TMPO: variants seen among roughly 807,000 people sequenced by gnomAD.
TMPO encodes thymopoietin.
TMPO carries 22 observed loss-of-function variants against 45.4 expected under a neutral mutation model. The ratio of observed to expected loss-of-function variants is 0.48; its 90% CI spans 0.35 to 0.69. TMPO has a LOEUF of 0.69. TMPO is among the 30% of genes least tolerant of loss of function. The pLI is 0.01. For synonymous variants in TMPO, 241 were observed against 204.1 expected (o/e 1.18, Z -1.54); for missense variants, 512 against 548.8 (o/e 0.93, Z 0.67).
rs754731963 is a variant in TMPO, at chr12:98,533,224, A to G, written c.565+1386A>G. The G allele has an allele frequency of 1.2e-5, 20 of 1,614,046 alleles. 1 individual carries two copies. The East Asian group carries it at 4.2e-4, about 34-fold the overall frequency. Reference sequence around the variant, plus strand: ...TAAAGAAACCACCACTGGTTACTATAAAGACATAGTAGAAAATATTTGCGG... The same window carrying G: ...TAAAGAAACCACCACTGGTTACTATGAAGACATAGTAGAAAATATTTGCGG... On this transcript the variant is annotated intron_variant, in intron 3 of 8. Coordinates refer to ENST00000556029, the MANE Select transcript of TMPO (RefSeq NM_001032283.3).
At chr12:98,533,510 A>C in intron 3 of TMPO, 1 of 1,614,170 alleles carries the variant, frequency 6.2e-7, no homozygotes. Context: ...TCTAAGTTTC[A>C]AGAAACTGAA....
chr12:98,527,161 C>T (rs1224005843), intron 1 of TMPO, among the ~76,000 whole-genome samples: 2 of 151,718 alleles, frequency 1.3e-5, no homozygotes, highest in Admixed American at 6.6e-5. Context: ...GATCTGTTTC[C>T]GTTGCCATTG....
chr12:98,547,487 G>C, intron 8 of TMPO, 86 bp from the exon 9 acceptor site: 1 of 1,504,842 alleles, frequency 6.6e-7, no homozygotes, highest in Non-Finnish European at 9.1e-7. Flanking sequence ...CTTGGAATTA[G>C]GAGTGGCAAT....
intron 1 of TMPO, among the ~76,000 whole-genome samples, chr12:98,517,753 C>G (rs1875976644): frequency 1.3e-5 from 2 of 152,190 alleles, no homozygotes; most frequent in South Asian, 4.1e-4. Flanking sequence ...TCTTGTTTTG[C>G]GGAAAGCTTC....
chr12:98,527,854 A>T (rs1234842009), intron 1 of TMPO, 32 bp from the exon 2 acceptor site: 1 of 1,611,934 alleles, frequency 6.2e-7, no homozygotes. Context: ...ACTTTAATTC[A>T]TATGGAAATG....
At position 98,549,583 on chromosome 12, in the gene TMPO, TCAAA is replaced by T. The variant is rs1457246852; in HGVS notation, c.*1726_*1729del. ...GTAGGTGATTAAAATTTCAATAGAATCAAATGAGACAAAAATTTTAAACTGACTC... is the reference window on the plus strand; with the variant it reads ...GTAGGTGATTAAAATTTCAATAGAATTGAGACAAAAATTTTAAACTGACTC... On this transcript the variant is annotated 3_prime_UTR_variant, in exon 9 of 9. Transcript: ENST00000556029. 1 of 114,776 alleles carries T rather than the reference TCAAA, an allele frequency of 8.7e-6. No individual in the cohort carries two copies. The highest frequency in any genetic ancestry group is 2.8e-4 in the South Asian group (1 of 3,542). The allele number at this position is 114,776 out of a possible 1,614,324, so 7.1% of individuals were successfully genotyped here. A position where few individuals can be genotyped will look rare whatever the true frequency, so the allele number is the denominator to read the frequency against.
chr12:98,541,052 TG>T, intron 4 of TMPO, among the ~76,000 whole-genome samples: 1 of 152,332 alleles, frequency 6.6e-6, no homozygotes, highest in Non-Finnish European at 1.5e-5. Context: ...TCTTTTTTGA[TG>T]TTCACATTGT....
At chr12:98,517,891 G>T (rs1875996531) in intron 1 of TMPO, among the ~76,000 whole-genome samples, 1 of 152,224 alleles carries the variant, frequency 6.6e-6, no homozygotes, top group South Asian at 2.1e-4. Flanking sequence ...GGCCGGGCGC[G>T]GTGGCTCACG....
At position 98,549,233 on chromosome 12, in the gene TMPO, A is replaced by G. The variant is rs1878394864; in HGVS notation, c.*1375A>G. 6.6e-6 allele frequency: 1 copy of G among 152,092 alleles called. No individual in the cohort carries two copies. The highest frequency in any genetic ancestry group is 2.1e-4 in the South Asian group (1 of 4,826). 9.4% of individuals were successfully genotyped at this position (152,092 alleles called of 1,614,324 possible). The stretch of plus-strand genomic sequence containing the variant: ...CATTATGATTATTTTTTATTTTTTT[A>G]TTTTTTATGAGATGGAGTCTCACTC... On this transcript the variant is annotated 3_prime_UTR_variant, in exon 9 of 9. Transcript: ENST00000556029.
chr12:98,548,097 C>G lies in TMPO; in HGVS notation c.*239C>G. The G allele has an allele frequency of 2.5e-6, 1 of 401,620 alleles. No individual in the cohort carries two copies. The highest frequency in any genetic ancestry group is 4.4e-6 in the Non-Finnish European group (1 of 228,558). 24.9% of individuals were successfully genotyped at this position (401,620 alleles called of 1,614,324 possible). ...TGAATAATCTTTTTTAGCTCTGGAA[C>G]TTTTTGTAGGCTTTATTTTTTTAAT... is the stretch of plus-strand genomic sequence containing the variant. On this transcript the variant is annotated 3_prime_UTR_variant, in exon 9 of 9. Transcript: ENST00000556029.
chr12:98,516,210 C>G, intron 1 of TMPO, 64 bp downstream of exon 1: 3 of 1,317,404 alleles, frequency 2.3e-6, no homozygotes, highest in Non-Finnish European at 2.9e-6. Context: ...CGCTCGCCGC[C>G]GTTTGCAGCC....
rs371946449 is a variant in TMPO at position 98,540,652 on chromosome 12, A to G, written c.663+3080A>G. Among the ~76,000 whole-genome samples the G allele has an allele frequency of 3.3e-5, 5 of 152,348 alleles. No homozygotes were observed. In the South Asian group the frequency reaches 8.3e-4, roughly 25 times the overall value. ...CTCAGCCTCCCAAAATGCTGGGATTACAGGCGTGAGCCACTGCGCCTGGCG... is the reference window on the plus strand; with the variant it reads ...CTCAGCCTCCCAAAATGCTGGGATTGCAGGCGTGAGCCACTGCGCCTGGCG... On this transcript the variant is annotated intron_variant, in intron 4 of 8. Coordinates refer to ENST00000556029, the MANE Select transcript of TMPO (RefSeq NM_001032283.3).
chr12:98,528,076 C>T (rs771751683), intron 2 of TMPO, 64 bp downstream of exon 2: 1 of 1,600,428 alleles, frequency 6.2e-7, no homozygotes, highest in Non-Finnish European at 8.6e-7. Context: ...ATTATTTTCT[C>T]CTTTTTGTTT....
At chr12:98,525,242 G>C (rs1466935846) in intron 1 of TMPO, among the ~76,000 whole-genome samples, 3 of 152,100 alleles carry the variant, frequency 2.0e-5, no homozygotes, top group Non-Finnish European at 2.9e-5. Flanking sequence ...GACAGTTCTA[G>C]GTCAGTGCAA....
In TMPO at chr12:98,527,963, T is replaced by A. The variant is rs765524061; in HGVS notation, c.357T>A (p.Asp119Glu). ...ATGTAACAGAGCTCACTAATGAAGATCTTTTGGATCAGCTTGTGAAATACG... is the reference window on the plus strand; with the variant it reads ...ATGTAACAGAGCTCACTAATGAAGAACTTTTGGATCAGCTTGTGAAATACG... ...DLDVTELTNEDLLDQLVKYGV... is the reference protein window; with the variant it reads ...DLDVTELTNEELLDQLVKYGV... Residue 119 changes from aspartate to glutamate, a missense_variant, in exon 2 of 9, where the codon GAT (aspartate) becomes GAA (glutamate). This residue lies in a region of TMPO where 299 missense variants were observed against 296.7 expected (regional missense o/e 1.01). Transcript: ENST00000556029. 7 of 1,613,952 alleles carry A rather than the reference T, an allele frequency of 4.3e-6. No homozygotes were observed. The East Asian group carries it at 1.6e-4, about 36-fold the overall frequency.
chr12:98,546,640 G>A (rs1475797439), intron 8 of TMPO, among the ~76,000 whole-genome samples, 193 bp downstream of exon 8: 3 of 152,218 alleles, frequency 2.0e-5, no homozygotes, highest in African/African-American at 4.8e-5. Context: ...CCAGGAGTTC[G>A]AGACCAGTCT....
Position 98,533,206 on chromosome 12 carries a change from A to G in TMPO, c.565+1368A>G, listed in dbSNP as rs1254154793. On this transcript the variant is annotated intron_variant, in intron 3 of 8. Transcript: ENST00000556029. ...AGCTTCTCCTTCACTGATTAAAGAA[A>G]CCACCACTGGTTACTATAAAGACAT... The G allele has an allele frequency of 4.3e-6, 7 of 1,614,108 alleles. No individual in the cohort carries two copies. The highest frequency in any genetic ancestry group is 5.1e-6 in the Non-Finnish European group (6 of 1,180,032).
chr12:98,544,390 G>T, intron 5 of TMPO, 41 bp downstream of exon 5: 1 of 1,613,396 alleles, frequency 6.2e-7, no homozygotes, highest in Non-Finnish European at 8.5e-7. Context: ...GATTTGTAGG[G>T]TTTTAGTATT....
At chr12:98,536,567 T>C (rs1396889568) in intron 3 of TMPO, among the ~76,000 whole-genome samples, 1 of 152,172 alleles carries the variant, frequency 6.6e-6, no homozygotes, top group Non-Finnish European at 1.5e-5. Flanking sequence ...TTGGCCAGGA[T>C]GGTCTTAAGC....
Sources: allele counts gnomAD v4.1 joint callset (sites outside exome capture counted in the v4.1 genomes callset), GRCh38; gene constraint gnomAD v4.1.1; regional missense constraint gnomAD v4.1.1; transcripts MANE v1.5; gene names NCBI Gene and HGNC (gene_info 2026-07-23, HGNC 2026-07-21).